Variants in CTNNA2 observed in about 807,000 individuals in gnomAD.
CTNNA2 encodes catenin alpha-2.
In CTNNA2, 42 loss-of-function variants were observed where a neutral mutation model predicts 101.0. That is an observed-to-expected ratio of 0.42 (90% CI 0.32 to 0.54). CTNNA2 has a LOEUF of 0.54. Among genes scored for constraint, CTNNA2 ranks in the 20% least tolerant of loss-of-function variants. CTNNA2 has a pLI of 0.14. For synonymous variants in CTNNA2, 450 were observed against 456.4 expected, an observed-to-expected ratio of 0.99 and a Z score of 0.18; for missense variants, 871 against 1,223.1, an observed-to-expected ratio of 0.71 and a Z score of 4.29.
intron 4 of CTNNA2, chr2:79,498,032 G>C (rs1305221869): frequency 6.6e-6 from 1 of 152,180 alleles, no homozygotes; most frequent in Non-Finnish European, 1.5e-5. Context: ...AAGAGGAAAA[G>C]GAAGACTGAT....
chr2:79,435,316 C>T (rs1039769411), intron 4 of CTNNA2, among the ~76,000 whole-genome samples: 5 of 152,096 alleles, frequency 3.3e-5, no homozygotes, highest in African/African-American at 1.2e-4. Flanking sequence ...GCTTAATGTT[C>T]AGAGTGCAGA....
chr2:79,795,667 A>G (rs1675642279), intron 3 of CTNNA2, among the ~76,000 whole-genome samples: 1 of 152,220 alleles, frequency 6.6e-6, no homozygotes. Context: ...TATGTACAAT[A>G]TGTACAAATT....
intron 7 of CTNNA2, among the ~76,000 whole-genome samples, chr2:80,090,177 T>C (rs1326202092): frequency 2.0e-5 from 3 of 150,334 alleles, no homozygotes; most frequent in African/African-American, 7.3e-5. Flanking sequence ...TGTGTGTGTG[T>C]GTGTGTGTGT....
intron 7 of CTNNA2, among the ~76,000 whole-genome samples, chr2:80,005,608 T>C (rs539009444): frequency 4.9e-4 from 75 of 152,132 alleles, no homozygotes; most frequent in Admixed American, 9.2e-4. Context: ...GGAAAGAAAA[T>C]CCTAGAAAGC....
rs557880261 is a variant in CTNNA2, at chr2:80,528,680, A to AAAAT, written c.1291-16282_1291-16279dup. The stretch of plus-strand genomic sequence containing the variant: ...CATAGAAGGTGCAACCCCCACCAAA[A>AAAAT]AAATAAATAAATAAATAAATAAAAA... On this transcript the variant is annotated intron_variant, in intron 9 of 18. Coordinates refer to ENST00000402739, the MANE Select transcript of CTNNA2 (RefSeq NM_001282597.3). Among the ~76,000 whole-genome samples the AAAAT allele has an allele frequency of 4.3e-4, 65 of 152,192 alleles. No homozygotes were observed. The East Asian group carries it at 7.9e-3, about 19-fold the overall frequency.
At chr2:79,369,989 C>T (rs1677834913) in intron 3 of CTNNA2, among the ~76,000 whole-genome samples, 1 of 152,158 alleles carries the variant, frequency 6.6e-6, no homozygotes. Flanking sequence ...TATTTTACTA[C>T]TGTCAATCTA....
At chr2:80,438,558 G>A (rs1475023315) in intron 9 of CTNNA2, among the ~76,000 whole-genome samples, 1 of 152,054 alleles carries the variant, frequency 6.6e-6, no homozygotes, top group Non-Finnish European at 1.5e-5. Context: ...TTTTATGATG[G>A]TCTAGGTCAT....
chr2:79,979,697 G>GA (rs1312307000), intron 7 of CTNNA2, among the ~76,000 whole-genome samples: 1 of 151,758 alleles, frequency 6.6e-6, no homozygotes, highest in Non-Finnish European at 1.5e-5. Context: ...AAGAAAGTGA[G>GA]AAAATCCAGG....
At chr2:79,334,953 C>A (rs548352364) in intron 3 of CTNNA2, among the ~76,000 whole-genome samples, 3 of 152,306 alleles carry the variant, frequency 2.0e-5, no homozygotes, top group Admixed American at 2.0e-4. Context: ...ACTAGGCCCT[C>A]TCCCATATTT....
At chr2:79,955,426 G>A (rs1006718614) in intron 7 of CTNNA2, among the ~76,000 whole-genome samples, 1 of 152,156 alleles carries the variant, frequency 6.6e-6, no homozygotes, top group African/African-American at 2.4e-5. Flanking sequence ...CATGATACCC[G>A]TGTCCTCATT....
chr2:79,276,872 T>C (rs1675225062), intron 2 of CTNNA2, among the ~76,000 whole-genome samples: 1 of 152,134 alleles, frequency 6.6e-6, no homozygotes, highest in Non-Finnish European at 1.5e-5. Flanking sequence ...TTCTACTTCT[T>C]CACTGTGGTC....
chr2:80,286,165 T>C (rs1674751144), intron 7 of CTNNA2, among the ~76,000 whole-genome samples: 1 of 152,118 alleles, frequency 6.6e-6, no homozygotes, highest in South Asian at 2.1e-4. Context: ...CTTTATGCCG[T>C]GTTTGGTTAT....
intron 2 of CTNNA2, among the ~76,000 whole-genome samples, chr2:79,252,292 A>ATTTT (rs5832371): frequency 6.6e-6 from 1 of 150,430 alleles, no homozygotes; most frequent in East Asian, 2.0e-4. Context: ...TTTGGAAGAG[A>ATTTT]TTTTTTTTTT....
intron 2 of CTNNA2, among the ~76,000 whole-genome samples, chr2:79,280,623 CTGTGTGTGTGTGTGTGTG>C (rs369268407): frequency 7.7e-6 from 1 of 129,094 alleles, no homozygotes; most frequent in East Asian, 2.4e-4. Flanking sequence ...ATCCTGTATG[CTGTGTGTGTGTGTGTGTG>C]TGTGTGTGTG....
chr2:79,201,953 T>C (rs1456290633), intron 2 of CTNNA2, among the ~76,000 whole-genome samples: 1 of 152,148 alleles, frequency 6.6e-6, no homozygotes, highest in Non-Finnish European at 1.5e-5. Flanking sequence ...CATCATTCCA[T>C]ATGTGTGAGA....
In CTNNA2 at chr2:80,550,989, A is replaced by G. The variant is rs149491876; in HGVS notation, c.1541-4704A>G. On this transcript the variant is annotated intron_variant, in intron 11 of 18. Transcript: ENST00000402739. ...ACTATCTATTGCAGCTATAGCCTTA[A>G]AAAGTGAATTTTCTAAATAATAAGA... 8.7e-4 allele frequency among the ~76,000 whole-genome samples: 133 copies of G among 152,232 alleles called. 1 individual carries two copies. The East Asian group carries it at 0.024, about 27-fold the overall frequency.
intron 4 of CTNNA2, among the ~76,000 whole-genome samples, chr2:79,430,962 G>C (rs142468675): frequency 2.6e-5 from 4 of 152,064 alleles, no homozygotes; most frequent in African/African-American, 9.6e-5. Context: ...TTTATCATTC[G>C]TGTAAAGACT....
intron 6 of CTNNA2, among the ~76,000 whole-genome samples, chr2:79,905,476 A>G (rs1685356359): frequency 6.6e-6 from 1 of 152,230 alleles, no homozygotes; most frequent in South Asian, 2.1e-4. Context: ...AGAGCCGGTC[A>G]CAGGAGCATA....
intron 9 of CTNNA2, among the ~76,000 whole-genome samples, chr2:80,531,345 GGCTACCCATACAGACT>G (rs1472723375): frequency 2.0e-5 from 3 of 152,162 alleles, no homozygotes; most frequent in African/African-American, 7.2e-5. Flanking sequence ...CTTTGTCTTG[GGCTACCCATACAGACT>G]GCTAAAGCCA....
Sources: gnomAD v4.1 joint callset for allele counts (sites outside exome capture counted in the v4.1 genomes callset) on GRCh38, gnomAD v4.1.1 for gene constraint, MANE v1.5 for transcripts, NCBI Gene and HGNC (gene_info 2026-07-23, HGNC 2026-07-21) for gene names.